CAMTA1: variants seen among roughly 807,000 people sequenced by gnomAD.
CAMTA1 encodes the protein calmodulin binding transcription activator 1.
Under a neutral mutation model 170.9 loss-of-function variants are expected in CAMTA1, and 27 were observed. The ratio of observed to expected loss-of-function variants is 0.16; its 90% confidence interval spans 0.12 to 0.22. The LOEUF (loss-of-function observed/expected upper bound fraction) is 0.22. CAMTA1 is among the 10% of genes least tolerant of loss of function. The pLI is 1.00. For synonymous variants in CAMTA1, 833 were observed against 891.5 expected, an observed-to-expected ratio of 0.93 and a Z score of 1.17; for missense variants, 1,619 against 2,217.2, an observed-to-expected ratio of 0.73 and a Z score of 5.42.
chr1:7,725,009 CTG>C (rs1453596025), intron 11 of CAMTA1, among the ~76,000 whole-genome samples: 12 of 152,128 alleles, frequency 7.9e-5, no homozygotes, highest in Admixed American at 7.9e-4. Context: ...GTTCTTTGCA[CTG>C]TCTCAGAGCT....
intron 4 of CAMTA1, among the ~76,000 whole-genome samples, chr1:7,191,327 C>T (rs905090832): frequency 9.2e-5 from 14 of 152,320 alleles, no homozygotes; most frequent in East Asian, 7.7e-4. Flanking sequence ...TGGATATAAG[C>T]GTTCTATTGA....
At chr1:7,241,287 C>T (rs949707102) in intron 4 of CAMTA1, among the ~76,000 whole-genome samples, 19 of 152,106 alleles carry the variant, frequency 1.2e-4, no homozygotes, top group East Asian at 1.9e-4. Flanking sequence ...AAAGAAATTA[C>T]GGATTTACCT....
chr1:7,021,288 C>G (rs1701305313), intron 3 of CAMTA1, among the ~76,000 whole-genome samples: 1 of 152,232 alleles, frequency 6.6e-6, no homozygotes, highest in Admixed American at 6.5e-5. Flanking sequence ...TGCGGGGTCT[C>G]TGCTGGGCTG....
At chr1:7,498,382 GAT>G (rs1448975484) in intron 6 of CAMTA1, among the ~76,000 whole-genome samples, 6 of 148,674 alleles carry the variant, frequency 4.0e-5, no homozygotes, top group Admixed American at 4.0e-4. Flanking sequence ...TGTATGAGTG[GAT>G]GTGTGTGAGT....
chr1:7,099,384 G>T (rs1388120515), intron 4 of CAMTA1, among the ~76,000 whole-genome samples: 2 of 152,112 alleles, frequency 1.3e-5, no homozygotes, highest in South Asian at 2.1e-4. Flanking sequence ...AATTATACGT[G>T]TACATAGTTT....
At chr1:7,601,551 G>C (rs938151745) in intron 6 of CAMTA1, among the ~76,000 whole-genome samples, 1 of 152,244 alleles carries the variant, frequency 6.6e-6, no homozygotes, top group African/African-American at 2.4e-5. Context: ...CGGCCGGGCA[G>C]AGGCTGCAAT....
chr1:7,510,827 C>A (rs1487233704), intron 6 of CAMTA1, among the ~76,000 whole-genome samples: 2 of 145,032 alleles, frequency 1.4e-5, no homozygotes, highest in Non-Finnish European at 3.1e-5. Flanking sequence ...TTCATAAACA[C>A]ACACTGTAAT....
At chr1:7,723,818 AAT>A (rs1184541213) in intron 11 of CAMTA1, among the ~76,000 whole-genome samples, 1 of 152,132 alleles carries the variant, frequency 6.6e-6, no homozygotes, top group Non-Finnish European at 1.5e-5. Context: ...AAAACTGTTA[AAT>A]TTTTGTTTGG....
At chr1:7,644,855 A>C (rs1296423811) in intron 7 of CAMTA1, among the ~76,000 whole-genome samples, 1 of 152,190 alleles carries the variant, frequency 6.6e-6, no homozygotes, top group African/African-American at 2.4e-5. Context: ...TTCAGGGCTG[A>C]GTAGAGCTGT....
At chr1:7,693,021 G>A (rs2096335772) in intron 11 of CAMTA1, 1 of 152,288 alleles carries the variant, frequency 6.6e-6, no homozygotes, top group South Asian at 2.1e-4. Flanking sequence ...AAACTGTAAT[G>A]TGTGCTCATA....
At chr1:7,548,182 T>C (rs2094726217) in intron 6 of CAMTA1, among the ~76,000 whole-genome samples, 1 of 152,202 alleles carries the variant, frequency 6.6e-6, no homozygotes, top group South Asian at 2.1e-4. Context: ...TCATGCCCTG[T>C]ATGGGTACTG....
chr1:7,429,373 A>G (rs868156680), intron 5 of CAMTA1, among the ~76,000 whole-genome samples: 1 of 152,186 alleles, frequency 6.6e-6, no homozygotes, highest in South Asian at 2.1e-4. Context: ...GATGGGCATA[A>G]TGGTGGTGAT....
rs1406068475 is a variant in CAMTA1, at chr1:7,711,779, CGTGT to C, written c.2915-20666_2915-20663del. On this transcript the variant is annotated intron_variant, in intron 11 of 22. Transcript: ENST00000303635. ...AGCCAGAACCAATGCCCCTGGCGCG[CGTGT>C]GTAAGATGTTTTATCTAATGATGTA... Among the ~76,000 whole-genome samples, 5 of 152,270 alleles carry C rather than the reference CGTGT, an allele frequency of 3.3e-5. No homozygotes were observed. The East Asian group carries it at 9.6e-4, about 29-fold the overall frequency.
At chr1:7,583,791 T>TCCACACGGTGAGTGGGTGTCCAGCC (rs2095283189) in intron 6 of CAMTA1, among the ~76,000 whole-genome samples, 1 of 152,032 alleles carries the variant, frequency 6.6e-6, no homozygotes, top group East Asian at 1.9e-4. Context: ...GGGGTTCAAC[T>TCCACACGGTGAGTGGGTGTCCAGCC]CCACACGGTG....
chr1:7,480,256 T>TGTGA (rs1553177233), intron 6 of CAMTA1, among the ~76,000 whole-genome samples: 7 of 146,388 alleles, frequency 4.8e-5, no homozygotes, highest in African/African-American at 1.8e-4. Flanking sequence ...TGTGTGCATG[T>TGTGA]GTGTATGTGT....
chr1:6,978,595 C>A (rs945306811), intron 3 of CAMTA1, among the ~76,000 whole-genome samples: 2 of 151,920 alleles, frequency 1.3e-5, no homozygotes, highest in Non-Finnish European at 2.9e-5. Flanking sequence ...GATTGCGCCA[C>A]TGCACTCCAG....
intron 6 of CAMTA1, among the ~76,000 whole-genome samples, chr1:7,527,514 G>A (rs1245106860): frequency 6.6e-6 from 1 of 152,254 alleles, no homozygotes; most frequent in Non-Finnish European, 1.5e-5. Context: ...AAAAGGAGCT[G>A]AGACCAGAGG....
chr1:7,734,754 G>A (rs1429691262), intron 12 of CAMTA1, among the ~76,000 whole-genome samples: 1 of 151,952 alleles, frequency 6.6e-6, no homozygotes, highest in African/African-American at 2.4e-5. Context: ...ATTTTGGGAG[G>A]CATTTTTTCC....
intron 4 of CAMTA1, among the ~76,000 whole-genome samples, chr1:7,247,291 T>G (rs1373223521): frequency 6.6e-6 from 1 of 152,202 alleles, no homozygotes. Context: ...GAAGGTGGGT[T>G]TCCTAGGGTG....
Sources: allele counts gnomAD v4.1 joint callset (sites outside exome capture counted in the v4.1 genomes callset), GRCh38; gene constraint gnomAD v4.1.1; transcripts MANE v1.5; gene names NCBI Gene and HGNC (gene_info 2026-07-23, HGNC 2026-07-21).